The following FAM83B variants were observed in gnomAD, a reference collection of about 807,000 sequenced individuals.
The protein encoded by FAM83B is scaffolding CK1 anchoring protein B.
Under a neutral mutation model 38.8 loss-of-function variants are expected in FAM83B, and 26 were observed. The observed-to-expected ratio is 0.67, with a 90% CI of 0.49 to 0.93. The LOEUF is 0.93. FAM83B is among the 40% of genes least tolerant of loss of function. The pLI is 0.00. For missense variants in FAM83B, 1,237 were observed against 1,197.3 expected, an observed-to-expected ratio of 1.03 and a Z score of -0.49; for synonymous variants, 419 against 423.1, an observed-to-expected ratio of 0.99 and a Z score of 0.12.
chr6:54,926,675 C>G (rs1235585155), intron 3 of FAM83B, 140 bp downstream of exon 3: 1 of 572,760 alleles, frequency 1.7e-6, no homozygotes, highest in East Asian at 2.9e-5. Flanking sequence ...AATGATTGAT[C>G]ACAGAAAGGT....
At position 54,887,830 on chromosome 6, in the gene FAM83B, A is replaced by G. The variant is rs762925167; in HGVS notation, c.444+17140A>G. The stretch of plus-strand genomic sequence containing the variant: ...ACACACACTATACATTGTATGCTAT[A>G]TATTTTCATCCCTATATGTTCAACT... On this transcript the variant is annotated intron_variant, in intron 2 of 4. Transcript: ENST00000306858. Among the ~76,000 whole-genome samples, 120 of 151,832 alleles carry G rather than the reference A, an allele frequency of 7.9e-4. 2 individuals carry two copies. The highest frequency in any genetic ancestry group is 3.3e-4 in the Admixed American group (5 of 15,244).
At chr6:54,892,868 G>A (rs1431464578) in intron 2 of FAM83B, among the ~76,000 whole-genome samples, 1 of 152,004 alleles carries the variant, frequency 6.6e-6, no homozygotes, top group Non-Finnish European at 1.5e-5. Flanking sequence ...CTTCTAATGA[G>A]TAGAACATAG....
At chr6:54,898,391 C>T (rs1581909366) in intron 2 of FAM83B, among the ~76,000 whole-genome samples, 1 of 152,088 alleles carries the variant, frequency 6.6e-6, no homozygotes, top group African/African-American at 2.4e-5. Flanking sequence ...CTACATTGTT[C>T]GTGGACTCAG....
chr6:54,879,555 G>A (rs1349124574), intron 2 of FAM83B, among the ~76,000 whole-genome samples: 4 of 152,250 alleles, frequency 2.6e-5, no homozygotes, highest in Middle Eastern at 3.4e-3. Context: ...TGATAAGTAG[G>A]AGATGTATGG....
At chr6:54,857,225 A>G (rs1425616663) in intron 1 of FAM83B, among the ~76,000 whole-genome samples, 1 of 152,220 alleles carries the variant, frequency 6.6e-6, no homozygotes, top group African/African-American at 2.4e-5. Flanking sequence ...ACACACATTT[A>G]TCATTTTTCC....
intron 4 of FAM83B, among the ~76,000 whole-genome samples, chr6:54,929,210 G>A (rs925649023): frequency 3.9e-5 from 6 of 151,990 alleles, no homozygotes; most frequent in Non-Finnish European, 8.8e-5. Flanking sequence ...ATATTCGAAC[G>A]AGATGTGGTA....
intron 2 of FAM83B, among the ~76,000 whole-genome samples, chr6:54,925,279 C>A (rs976653238): frequency 1.3e-5 from 2 of 152,046 alleles, no homozygotes; most frequent in Non-Finnish European, 2.9e-5. Context: ...TCCAAAAAAC[C>A]TATAGCTTGT....
Position 54,927,621 on chromosome 6 carries a change from C to T in FAM83B, c.723C>T (p.Tyr241=), listed in dbSNP as rs913071087. The part of the protein sequence containing the change: ...FLLVDCQKVM[Y]GSYSYMWSFE... ...TAGTTGACTGCCAGAAAGTGATGTA[C>T]GGTTCTTACAGGTAAGATCATTGTG... Residue 241 remains tyrosine (Y), a synonymous_variant, in exon 4 of 5, where the codon TAC becomes TAT. Transcript: ENST00000306858. 13 of 1,594,566 alleles carry T rather than the reference C, an allele frequency of 8.2e-6. No homozygotes were observed. In the Admixed American group the frequency reaches 1.0e-4, roughly 13 times the overall value.
intron 1 of FAM83B, among the ~76,000 whole-genome samples, chr6:54,858,120 G>A (rs1414157172): frequency 6.6e-6 from 1 of 152,172 alleles, no homozygotes; most frequent in African/African-American, 2.4e-5. Context: ...GGAGAGTAAA[G>A]AGAGAAGAGC....
At chr6:54,861,765 C>T (rs975990846) in intron 1 of FAM83B, among the ~76,000 whole-genome samples, 5 of 151,988 alleles carry the variant, frequency 3.3e-5, no homozygotes, top group Non-Finnish European at 4.4e-5. Context: ...TGCAGACAGA[C>T]GGGGAAAGAA....
At chr6:54,938,173 A>G (rs1013424970) in intron 4 of FAM83B, among the ~76,000 whole-genome samples, 2 of 152,146 alleles carry the variant, frequency 1.3e-5, no homozygotes, top group Admixed American at 6.6e-5. Context: ...CTCCAGTTCC[A>G]TCCAGGTTGT....
rs1019768599 is a variant in FAM83B, at chr6:54,859,399, C to T, written c.-60-10788C>T. Among the ~76,000 whole-genome samples, 7 of 152,226 alleles carry T rather than the reference C, an allele frequency of 4.6e-5. No individual in the cohort carries two copies. The South Asian group carries it at 6.2e-4, about 14-fold the overall frequency. ...TTTTTTTAATTTATTTTTTAGCAGTCTCTAGTTTAGACTTTAGTCAACTCT... is the reference window on the plus strand; with the variant it reads ...TTTTTTTAATTTATTTTTTAGCAGTTTCTAGTTTAGACTTTAGTCAACTCT... On this transcript the variant is annotated intron_variant, in intron 1 of 4. Coordinates refer to ENST00000306858, the MANE Select transcript of FAM83B (RefSeq NM_001010872.3).
At chr6:54,914,798 C>G (rs977423698) in intron 2 of FAM83B, among the ~76,000 whole-genome samples, 2 of 152,120 alleles carry the variant, frequency 1.3e-5, no homozygotes, top group African/African-American at 2.4e-5. Context: ...CCCTCACTGA[C>G]TGCACCCAGA....
rs778588613 is a variant in FAM83B, at chr6:54,926,441, G to A, written c.515G>A (p.Arg172Gln). 84 of 1,609,534 alleles carry A rather than the reference G, an allele frequency of 5.2e-5. No homozygotes were observed. The highest frequency in any genetic ancestry group is 1.0e-4 in the Admixed American group (6 of 59,902). ...AAAGAAATCGTTGAGGCATCAACTC[G>A]AGGAGTATCTGTTTACATTCTGCTT... ...IFKEIVEAST[R>Q]GVSVYILLDE... The change falls in exon 3 of 5, where the codon CGA (arginine) becomes CAA (glutamine). Residue 172 changes from arginine (R) to glutamine (Q), a missense_variant. By Grantham distance (43) the Arg-to-Gln change is conservative (BLOSUM62 1). Coordinates refer to ENST00000306858, the MANE Select transcript of FAM83B (RefSeq NM_001010872.3).
chr6:54,885,445 T>G (rs970553023), intron 2 of FAM83B, among the ~76,000 whole-genome samples: 1 of 152,158 alleles, frequency 6.6e-6, no homozygotes, highest in African/African-American at 2.4e-5. Flanking sequence ...TGGAAATATA[T>G]TTTTTGTATA....
intron 2 of FAM83B, among the ~76,000 whole-genome samples, chr6:54,916,898 A>T (rs1470927940): frequency 6.6e-6 from 1 of 152,146 alleles, no homozygotes; most frequent in Admixed American, 6.5e-5. Flanking sequence ...CATCTTGCAG[A>T]CCTTGCTCTC....
At chr6:54,872,710 C>T (rs1771887836) in intron 2 of FAM83B, among the ~76,000 whole-genome samples, 1 of 152,088 alleles carries the variant, frequency 6.6e-6, no homozygotes, top group Admixed American at 6.6e-5. Context: ...TTTAATGAGC[C>T]TCTAAAAGTA....
At chr6:54,867,809 A>G (rs558432395) in intron 1 of FAM83B, among the ~76,000 whole-genome samples, 1 of 152,246 alleles carries the variant, frequency 6.6e-6, no homozygotes, top group Admixed American at 6.5e-5. Context: ...TTAACTTCCA[A>G]ATAGGTAACA....
chr6:54,922,614 G>T (rs950429079), intron 2 of FAM83B, among the ~76,000 whole-genome samples: 1 of 151,964 alleles, frequency 6.6e-6, no homozygotes, highest in South Asian at 2.1e-4. Context: ...ATAAGAAAAA[G>T]GTTGTGGGAA....
Sources: allele counts gnomAD v4.1 joint callset (sites outside exome capture counted in the v4.1 genomes callset), GRCh38; gene constraint gnomAD v4.1.1; transcripts MANE v1.5; gene names NCBI Gene and HGNC (gene_info 2026-07-23, HGNC 2026-07-21).